The following NRXN3 variants were observed in gnomAD, a reference collection of about 807,000 sequenced individuals.
NRXN3 encodes the protein neurexin III.
A neutral mutation model predicts 137.6 loss-of-function variants in NRXN3; 32 were observed. That is an observed-to-expected ratio of 0.23 (90% CI 0.18 to 0.31). The LOEUF (loss-of-function observed/expected upper bound fraction) is 0.31, where lower values mean the gene tolerates loss of function less well. Ranked by LOEUF, NRXN3 falls within the 10% of genes least tolerant of loss-of-function variation. The pLI is 1.00. For synonymous variants in NRXN3, 798 were observed against 784.5 expected (o/e 1.02, Z -0.29); for missense variants, 1,574 against 2,062.5 (o/e 0.76, Z 4.59).
intron 1 of NRXN3, among the ~76,000 whole-genome samples, chr14:78,210,223 T>C (rs1042203131): frequency 5.3e-5 from 8 of 152,178 alleles, no homozygotes; most frequent in African/African-American, 1.9e-4. Flanking sequence ...AGATTCAGTG[T>C]CTGGTGAGGG....
chr14:78,594,521 A>G (rs963593296), intron 4 of NRXN3, among the ~76,000 whole-genome samples: 11 of 152,088 alleles, frequency 7.2e-5, no homozygotes, highest in African/African-American at 2.7e-4. Flanking sequence ...CAATACAACT[A>G]CTCTTGAGGA....
intron 6 of NRXN3, among the ~76,000 whole-genome samples, chr14:78,707,306 A>G (rs2152824260): frequency 1.3e-5 from 2 of 152,324 alleles, no homozygotes; most frequent in Middle Eastern, 6.8e-3. Context: ...GAATAAGGTA[A>G]TATAAAGAAA....
At chr14:78,338,555 G>A (rs1050348019) in intron 4 of NRXN3, among the ~76,000 whole-genome samples, 5 of 152,174 alleles carry the variant, frequency 3.3e-5, no homozygotes, top group Non-Finnish European at 5.9e-5. Flanking sequence ...GGTTGGTGCA[G>A]ACTAGCTAGG....
At chr14:79,489,758 G>A (rs1334144831) in intron 16 of NRXN3, among the ~76,000 whole-genome samples, 21 of 151,908 alleles carry the variant, frequency 1.4e-4, no homozygotes, top group Admixed American at 1.4e-3. Context: ...TGGTAATTTC[G>A]GCCGGGCGTG....
intron 15 of NRXN3, among the ~76,000 whole-genome samples, chr14:79,451,519 A>C (rs935350781): frequency 1.3e-5 from 2 of 152,230 alleles, no homozygotes; most frequent in Non-Finnish European, 2.9e-5. Context: ...AAATTGGGTC[A>C]TCACTGGTTG....
At chr14:79,099,636 G>C (rs1461543897) in intron 15 of NRXN3, among the ~76,000 whole-genome samples, 1 of 152,094 alleles carries the variant, frequency 6.6e-6, no homozygotes, top group African/African-American at 2.4e-5. Flanking sequence ...ACTTTTTCAT[G>C]TATAATTTTG....
intron 6 of NRXN3, among the ~76,000 whole-genome samples, chr14:78,656,644 A>G (rs147795810): frequency 1.2e-4 from 19 of 152,268 alleles, no homozygotes; most frequent in African/African-American, 3.8e-4. Flanking sequence ...TCAGATTGGC[A>G]TCTTACCCAT....
chr14:79,399,449 A>G (rs1465854313), intron 15 of NRXN3, among the ~76,000 whole-genome samples: 1 of 152,194 alleles, frequency 6.6e-6, no homozygotes, highest in East Asian at 1.9e-4. Context: ...CATGAAATCA[A>G]TAATCATTTA....
At chr14:79,109,009 A>T (rs1233343183) in intron 15 of NRXN3, among the ~76,000 whole-genome samples, 1 of 152,202 alleles carries the variant, frequency 6.6e-6, no homozygotes, top group Non-Finnish European at 1.5e-5. Flanking sequence ...GCTACTGTCT[A>T]CGATAGATAA....
intron 4 of NRXN3, among the ~76,000 whole-genome samples, chr14:78,322,324 G>A (rs1324830384): frequency 2.0e-5 from 3 of 151,946 alleles, no homozygotes; most frequent in African/African-American, 4.8e-5. Context: ...GCACTCCCTG[G>A]CTATTCGGAA....
intron 16 of NRXN3, among the ~76,000 whole-genome samples, chr14:79,535,713 CTG>C (rs1246051321): frequency 1.3e-5 from 2 of 152,110 alleles, no homozygotes; most frequent in Non-Finnish European, 2.9e-5. Flanking sequence ...CTTGAGGAAA[CTG>C]AAGCTCACGG....
chr14:79,080,494 C>T (rs577405299), intron 15 of NRXN3, among the ~76,000 whole-genome samples: 17 of 150,722 alleles, frequency 1.1e-4, no homozygotes, highest in South Asian at 6.2e-4. Context: ...TTCCCACACA[C>T]ACTTTTCCCC....
intron 10 of NRXN3, among the ~76,000 whole-genome samples, chr14:78,901,345 C>A (rs910854515): frequency 6.6e-6 from 1 of 151,888 alleles, no homozygotes; most frequent in Non-Finnish European, 1.5e-5. Flanking sequence ...CACCTGCTTT[C>A]CCTTTGTATT....
chr14:79,614,098 A>G (rs922861090), intron 16 of NRXN3, among the ~76,000 whole-genome samples: 10 of 152,232 alleles, frequency 6.6e-5, no homozygotes, highest in Admixed American at 5.9e-4. Flanking sequence ...AAAGAAGTAA[A>G]TCCTCCAAAA....
At chr14:79,251,538 G>T (rs1306309035) in intron 15 of NRXN3, among the ~76,000 whole-genome samples, 1 of 152,150 alleles carries the variant, frequency 6.6e-6, no homozygotes, top group Non-Finnish European at 1.5e-5. Flanking sequence ...TGGATCATCT[G>T]TAGAAAGAGG....
At chr14:78,478,389 G>T (rs188454791) in intron 4 of NRXN3, among the ~76,000 whole-genome samples, 3 of 152,264 alleles carry the variant, frequency 2.0e-5, no homozygotes, top group African/African-American at 4.8e-5. Flanking sequence ...ACTTAATTTG[G>T]AGGAAAATAC....
chr14:78,628,624 A>G (rs995999983), intron 4 of NRXN3, among the ~76,000 whole-genome samples: 5 of 152,320 alleles, frequency 3.3e-5, no homozygotes, highest in Non-Finnish European at 7.3e-5. Flanking sequence ...CAACCCCAGT[A>G]ATGGTTGGGT....
chr14:79,840,009 G>A (rs1306428694), intron 20 of NRXN3, among the ~76,000 whole-genome samples: 2 of 152,078 alleles, frequency 1.3e-5, no homozygotes, highest in African/African-American at 4.8e-5. Flanking sequence ...ACGAATGCTT[G>A]TATATCTAGC....
intron 16 of NRXN3, among the ~76,000 whole-genome samples, chr14:79,514,784 T>C (rs2096966389): frequency 6.6e-6 from 1 of 152,168 alleles, no homozygotes; most frequent in Non-Finnish European, 1.5e-5. Context: ...TGAATCCTGC[T>C]GCTCCCTACC....
Sources: gnomAD v4.1 joint callset for allele counts (sites outside exome capture counted in the v4.1 genomes callset) on GRCh38, gnomAD v4.1.1 for gene constraint, MANE v1.5 for transcripts, NCBI Gene and HGNC (gene_info 2026-07-23, HGNC 2026-07-21) for gene names.